Variants in MAP3K1 observed in about 807,000 individuals in gnomAD.
The protein encoded by MAP3K1 is MAP/ERK kinase kinase 1.
A neutral mutation model predicts 144.2 loss-of-function variants in MAP3K1; 36 were observed. The observed-to-expected ratio is 0.25, with a 90% CI of 0.19 to 0.33. The LOEUF (loss-of-function observed/expected upper bound fraction) is 0.33. Among genes scored for constraint, MAP3K1 ranks in the 10% least tolerant of loss-of-function variants. MAP3K1 has a pLI of 1.00. For missense variants in MAP3K1, 1,650 were observed against 1,881.9 expected (o/e 0.88, Z 2.28); for synonymous variants, 718 against 688.7 (o/e 1.04, Z -0.67).
rs1561156589 is a variant in MAP3K1, at chr5:56,815,860, C to G, written c.287C>G (p.Ala96Gly). Residue 96 changes from alanine (A) to glycine (G), a missense_variant, in exon 1 of 20, where the codon GCG (alanine) becomes GGG (glycine). By Grantham distance (60) the Ala-to-Gly change is moderately conservative. Coordinates refer to ENST00000399503, the MANE Select transcript of MAP3K1 (RefSeq NM_005921.2). ...ASSTSPSPEPADAAGSGTGFQ... is the reference protein window; with the variant it reads ...ASSTSPSPEPGDAAGSGTGFQ... The stretch of plus-strand genomic sequence containing the variant: ...TCGACTTCCCCGTCGCCGGAGCCCG[C>G]GGACGCAGCGGGGAGTGGGACCGGC... 3 of 1,397,072 alleles carry G rather than the reference C, an allele frequency of 2.1e-6. No individual in the cohort carries two copies. Among genetic ancestry groups the G allele is most frequent in the African/African-American group, 3.0e-5 (2 of 67,142 alleles). The allele number at this position is 1,397,072 out of a possible 1,614,324, so 86.5% of individuals were successfully genotyped here.
chr5:56,869,270 C>CA (rs1747778763), intron 6 of MAP3K1, among the ~76,000 whole-genome samples: 1 of 151,674 alleles, frequency 6.6e-6, no homozygotes, highest in Non-Finnish European at 1.5e-5. Flanking sequence ...GAACCTGTCT[C>CA]AAAAAAATGT....
Position 56,859,817 on chromosome 5 carries a change from A to G in MAP3K1, c.736A>G (p.Lys246Glu), listed in dbSNP as rs1579753824. ...GGCAAGTGCGGCTTCACCAGCTTCC[A>G]AAGGCCGACGCAGTCCTTCTCCTGG... ...VQASAASPASKGRRSPSPGNS... is the reference protein window; with the variant it reads ...VQASAASPASEGRRSPSPGNS... Residue 246 changes from lysine (K) to glutamate (E), a missense_variant, in exon 3 of 20, where the codon AAA (lysine) becomes GAA (glutamate). Physicochemically the swap from Lys to Glu is moderately conservative, Grantham distance 56 (BLOSUM62 1). Coordinates refer to ENST00000399503, the MANE Select transcript of MAP3K1 (RefSeq NM_005921.2). 2 of 1,613,940 alleles carry G rather than the reference A, an allele frequency of 1.2e-6. No individual in the cohort carries two copies. Among genetic ancestry groups the G allele is most frequent in the African/African-American group, 2.7e-5 (2 of 74,936 alleles).
intron 2 of MAP3K1, among the ~76,000 whole-genome samples, chr5:56,858,015 G>A (rs570481156): frequency 6.6e-6 from 1 of 152,300 alleles, no homozygotes; most frequent in South Asian, 2.1e-4. Flanking sequence ...GAGGTGGTAT[G>A]GTGGGAACCC....
intron 1 of MAP3K1, among the ~76,000 whole-genome samples, chr5:56,840,763 A>G (rs1359237199): frequency 5.3e-5 from 8 of 152,124 alleles, no homozygotes; most frequent in Non-Finnish European, 1.2e-4. Context: ...AACAACTGGA[A>G]CTGAAACTTG....
chr5:56,815,584 C>A lies in MAP3K1; in HGVS notation c.11C>A (p.Ala4Glu). Residue 4 changes from alanine to glutamate, a missense_variant, in exon 1 of 20, where the codon GCG becomes GAG. Physicochemically the swap from Ala to Glu is moderately radical, Grantham distance 107. Transcript: ENST00000399503. MAAAAGNRASSSGF... is the reference protein window; with the variant it reads MAAEAGNRASSSGF... ...AGCCCGCGAGAGAAAATGGCGGCGG[C>A]GGCGGGGAATCGCGCCTCGTCGTCG... 1 of 1,298,246 alleles carries A rather than the reference C, an allele frequency of 7.7e-7. No homozygotes were observed. The allele number at this position is 1,298,246 out of a possible 1,614,324, so 80.4% of individuals were successfully genotyped here.
rs1748411774 is a variant in MAP3K1, at chr5:56,887,442, C to T, written c.4179C>T (p.Ala1393=). Residue 1393 remains alanine, a synonymous_variant, in exon 18 of 20, where the codon GCC becomes GCT. Coordinates refer to ENST00000399503, the MANE Select transcript of MAP3K1 (RefSeq NM_005921.2). ...RLRIADFGAA[A]RLASKGTGAG... ...GAATTGCAGATTTTGGAGCTGCAGCCAGGTTGGCATCAAAAGGAACTGGTG... is the reference window on the plus strand; with the variant it reads ...GAATTGCAGATTTTGGAGCTGCAGCTAGGTTGGCATCAAAAGGAACTGGTG... 4 of 1,614,022 alleles carry T rather than the reference C, an allele frequency of 2.5e-6. No individual in the cohort carries two copies. The highest frequency in any genetic ancestry group is 1.3e-5 in the African/African-American group (1 of 74,936).
chr5:56,881,972 A>G lies in MAP3K1; in HGVS notation c.2772A>G (p.Ser924=), dbSNP rs757724426. The G allele has an allele frequency of 1.2e-6, 2 of 1,614,182 alleles. No individual in the cohort carries two copies. The highest frequency in any genetic ancestry group is 1.7e-6 in the Non-Finnish European group (2 of 1,180,040). ...GLCATKLSAS[S]EDISERLASI... ...GTGCTACAAAATTGAGTGCCAGTTC[A>G]GAGGACATTTCTGAGAGACTGGCCA... The change falls in exon 14 of 20, where the codon TCA becomes TCG. Residue 924 remains serine (S), a synonymous_variant. Coordinates refer to ENST00000399503, the MANE Select transcript of MAP3K1 (RefSeq NM_005921.2).
Position 56,888,332 on chromosome 5 carries a change from CCAAT to C in MAP3K1, c.4367_4370del (p.Asn1456IlefsTer4), listed in dbSNP as rs745497809. 1 of 1,613,974 alleles carries C rather than the reference CCAAT, an allele frequency of 6.2e-7. No individual in the cohort carries two copies. The highest frequency in any genetic ancestry group is 8.5e-7 in the Non-Finnish European group (1 of 1,179,974). ...CCACCATGGAATGCAGAAAAACACTCCAATCATCTTGCTTTGATATTTAAGGTAA... is the reference window on the plus strand; with the variant it reads ...CCACCATGGAATGCAGAAAAACACTCCATCTTGCTTTGATATTTAAGGTAA... On this transcript the variant is annotated frameshift_variant, in exon 19 of 20. Coordinates refer to ENST00000399503, the MANE Select transcript of MAP3K1 (RefSeq NM_005921.2). LOFTEE classifies it high-confidence loss of function.
At position 56,859,822 on chromosome 5, in the gene MAP3K1, C is replaced by CCGA. The variant is rs1561185058; in HGVS notation, c.744_746dup (p.Arg249dup). On this transcript the variant is annotated inframe_insertion, in exon 3 of 20. Coordinates refer to ENST00000399503, the MANE Select transcript of MAP3K1 (RefSeq NM_005921.2). ...GTGCGGCTTCACCAGCTTCCAAAGG[C>CCGA]CGACGCAGTCCTTCTCCTGGCAACT... 4.3e-6 allele frequency: 7 copies of CCGA among 1,613,812 alleles called. No homozygotes were observed. Among genetic ancestry groups the CCGA allele is most frequent in the Admixed American group, 3.3e-5 (2 of 60,004 alleles).
intron 13 of MAP3K1, 54 bp from the exon 14 acceptor site, chr5:56,881,516 A>G (rs1043248785): frequency 2.2e-6 from 3 of 1,381,850 alleles, no homozygotes; most frequent in Middle Eastern, 3.6e-4. Context: ...TTAAGTTTCC[A>G]TGTATTTTTC....
chr5:56,886,972 A>G (rs1256798027), intron 17 of MAP3K1, among the ~76,000 whole-genome samples: 1 of 152,086 alleles, frequency 6.6e-6, no homozygotes, highest in African/African-American at 2.4e-5. Flanking sequence ...TGTTGCCCCC[A>G]GGCTGGTCTT....
intron 2 of MAP3K1, among the ~76,000 whole-genome samples, chr5:56,857,585 C>A (rs1747379653): frequency 6.6e-6 from 1 of 152,082 alleles, no homozygotes; most frequent in Non-Finnish European, 1.5e-5. Flanking sequence ...TACATTCATC[C>A]CATATGCCTA....
chr5:56,847,497 G>A (rs1260051593), intron 1 of MAP3K1, among the ~76,000 whole-genome samples: 2 of 152,114 alleles, frequency 1.3e-5, no homozygotes, highest in African/African-American at 4.8e-5. Flanking sequence ...CTAGGGAGGC[G>A]AGGCTGCAGA....
At chr5:56,840,233 C>T (rs767953850) in intron 1 of MAP3K1, among the ~76,000 whole-genome samples, 2 of 152,148 alleles carry the variant, frequency 1.3e-5, no homozygotes, top group Non-Finnish European at 2.9e-5. Flanking sequence ...CTGCAACCTC[C>T]GCCTCCCAAG....
At chr5:56,840,222 A>G (rs1297818501) in intron 1 of MAP3K1, among the ~76,000 whole-genome samples, 1 of 152,118 alleles carries the variant, frequency 6.6e-6, no homozygotes, top group African/African-American at 2.4e-5. Flanking sequence ...ATCTCGGCTC[A>G]CTGCAACCTC....
chr5:56,890,046 A>G (rs1467498044), intron 19 of MAP3K1, among the ~76,000 whole-genome samples: 1 of 151,538 alleles, frequency 6.6e-6, no homozygotes, highest in Non-Finnish European at 1.5e-5. Context: ...CCCCCTTTTT[A>G]CTCATTCCAG....
At chr5:56,891,159 C>CCCACA (rs1554036746) in intron 19 of MAP3K1, among the ~76,000 whole-genome samples, 1 of 144,906 alleles carries the variant, frequency 6.9e-6, no homozygotes. Context: ...CCCCCCCCCC[C>CCCACA]CACACACACA....
At chr5:56,816,965 C>T (rs1745995797) in intron 1 of MAP3K1, 23 of 475,226 alleles carry the variant, frequency 4.8e-5, no homozygotes, top group Non-Finnish European at 6.3e-5. Context: ...TCCCCGCAGC[C>T]CCTCCGGCTT....
Position 56,841,427 on chromosome 5 carries a change from A to G in MAP3K1, c.483-15173A>G, listed in dbSNP as rs116015046. ...AAGTTCGTAACAGTATGTCACCCATACTGATATACTGCCTGAGTTAGTACA... is the reference window on the plus strand; with the variant it reads ...AAGTTCGTAACAGTATGTCACCCATGCTGATATACTGCCTGAGTTAGTACA... On this transcript the variant is annotated intron_variant, in intron 1 of 19. Transcript: ENST00000399503. Among the ~76,000 whole-genome samples, 1,074 of 152,230 alleles carry G rather than the reference A, an allele frequency of 7.1e-3. 22 individuals are homozygous for G. Among genetic ancestry groups the G allele is most frequent in the African/African-American group, 0.024 (977 of 41,526 alleles).
Sources: gnomAD v4.1 joint callset for allele counts (sites outside exome capture counted in the v4.1 genomes callset) on GRCh38, gnomAD v4.1.1 for gene constraint, MANE v1.5 for transcripts, NCBI Gene and HGNC (gene_info 2026-07-23, HGNC 2026-07-21) for gene names.